The following TFPI variants were observed in gnomAD, a reference collection of about 807,000 sequenced individuals.
TFPI encodes tissue factor pathway inhibitor.
In TFPI, 15 loss-of-function variants were observed where a neutral mutation model predicts 34.6. That is an observed-to-expected ratio of 0.43 (90% CI 0.29 to 0.67). The LOEUF (loss-of-function observed/expected upper bound fraction) is 0.67, where lower values mean the gene tolerates loss of function less well. Among genes scored for constraint, TFPI ranks in the 30% least tolerant of loss-of-function variants. TFPI has a pLI of 0.15. For missense variants in TFPI, 301 were observed against 364.0 expected (o/e 0.83, Z 1.41); for synonymous variants, 105 against 120.1 (o/e 0.87, Z 0.82).
At chr2:187,486,031 C>A (rs1437027812) in intron 4 of TFPI, among the ~76,000 whole-genome samples, 6 of 151,582 alleles carry the variant, frequency 4.0e-5, no homozygotes, top group Non-Finnish European at 7.4e-5. Flanking sequence ...TGCAAAAGAA[C>A]AAACTCCTTA....
At chr2:187,512,455 AACC>A (rs2106165744) in intron 1 of TFPI, among the ~76,000 whole-genome samples, 1 of 152,112 alleles carries the variant, frequency 6.6e-6, no homozygotes, top group South Asian at 2.1e-4. Context: ...ACAAAGGTTC[AACC>A]AGACCTAAGA....
At chr2:187,497,102 T>G in intron 2 of TFPI, 24 bp from the exon 3 acceptor site, 1 of 1,584,330 alleles carries the variant, frequency 6.3e-7, no homozygotes, top group Non-Finnish European at 8.6e-7. Context: ...ATAAAAGATA[T>G]AACATGTAAT....
intron 3 of TFPI, among the ~76,000 whole-genome samples, chr2:187,493,708 A>C (rs1236104978): frequency 6.6e-6 from 1 of 152,128 alleles, no homozygotes; most frequent in Non-Finnish European, 1.5e-5. Flanking sequence ...CATTTCTTCA[A>C]GTTCAACATT....
chr2:187,534,603 C>T (rs1356838397), intron 1 of TFPI, among the ~76,000 whole-genome samples: 2 of 152,112 alleles, frequency 1.3e-5, no homozygotes, highest in Non-Finnish European at 2.9e-5. Context: ...CGGTACCAGC[C>T]ACTGCAAAAA....
At chr2:187,478,176 A>G (rs1454362591) in intron 6 of TFPI, among the ~76,000 whole-genome samples, 2 of 152,140 alleles carry the variant, frequency 1.3e-5, no homozygotes, top group Non-Finnish European at 2.9e-5. Context: ...CCTGGCCAAC[A>G]TGATGAAACC....
intron 1 of TFPI, among the ~76,000 whole-genome samples, chr2:187,545,005 G>A (rs1314842608): frequency 6.6e-6 from 1 of 151,468 alleles, no homozygotes; most frequent in African/African-American, 2.4e-5. Context: ...ACAGCTCCTC[G>A]GAGGCTGAGG....
At chr2:187,503,567 A>G (rs770671828) in intron 2 of TFPI, 81 bp downstream of exon 2, 2 of 1,519,852 alleles carry the variant, frequency 1.3e-6, no homozygotes, top group Non-Finnish European at 1.8e-6. Flanking sequence ...TCCCTCCACA[A>G]TGGAAAACTA....
rs181017570 is a variant in TFPI at position 187,528,426 on chromosome 2, T to A, written c.-2-24656A>T. Among the ~76,000 whole-genome samples the A allele has an allele frequency of 3.6e-4, 55 of 152,262 alleles. No homozygotes were observed. In the East Asian group the frequency reaches 4.6e-3, roughly 13 times the overall value. On this transcript the variant is annotated intron_variant, in intron 1 of 7. Transcript: ENST00000233156. ...AAAGCATTTATATACCAGTTTTTTTTAAAAAAAGTCTTGGCTAAAGAGTTG... is the reference window on the plus strand; with the variant it reads ...AAAGCATTTATATACCAGTTTTTTTAAAAAAAAGTCTTGGCTAAAGAGTTG...
chr2:187,521,302 G>C (rs1483983642), intron 1 of TFPI, among the ~76,000 whole-genome samples: 1 of 151,964 alleles, frequency 6.6e-6, no homozygotes, highest in East Asian at 1.9e-4. Flanking sequence ...ATATTTCACT[G>C]TATATATGTA....
intron 1 of TFPI, among the ~76,000 whole-genome samples, chr2:187,532,105 A>G (rs1157711319): frequency 6.6e-6 from 1 of 152,220 alleles, no homozygotes; most frequent in African/African-American, 2.4e-5. Flanking sequence ...ATAACCATCA[A>G]TCTGCCTATT....
chr2:187,535,788 C>A lies in TFPI; in HGVS notation c.-3+18412G>T, dbSNP rs149324146. 6.6e-3 allele frequency among the ~76,000 whole-genome samples: 1,005 copies of A among 152,178 alleles called. 15 individuals carry two copies. The highest frequency in any genetic ancestry group is 0.023 in the African/African-American group (947 of 41,532). ...GAAAAACTTCAAAAAATCACTGAAT[C>A]CAGGAGCTGGTTTTTTAAAAAGATT... On this transcript the variant is annotated intron_variant, in intron 1 of 7. Coordinates refer to ENST00000233156, the MANE Select transcript of TFPI (RefSeq NM_006287.6).
chr2:187,545,918 A>G (rs1373451870), intron 1 of TFPI, among the ~76,000 whole-genome samples: 4 of 152,112 alleles, frequency 2.6e-5, no homozygotes, highest in African/African-American at 9.7e-5. Context: ...ATTGCCAATT[A>G]AGAGAGGAAT....
At chr2:187,504,413 C>T (rs546771343) in intron 1 of TFPI, among the ~76,000 whole-genome samples, 27 of 151,934 alleles carry the variant, frequency 1.8e-4, no homozygotes, top group Middle Eastern at 3.4e-3. Flanking sequence ...TTCATTATTC[C>T]GCAGTTTAGG....
At chr2:187,523,461 T>C (rs564810942) in intron 1 of TFPI, among the ~76,000 whole-genome samples, 9 of 152,284 alleles carry the variant, frequency 5.9e-5, no homozygotes, top group African/African-American at 1.9e-4. Context: ...TTCAATGTTA[T>C]TTAGTTCAGC....
At position 187,510,399 on chromosome 2, in the gene TFPI, C is replaced by T. The variant is rs896360237; in HGVS notation, c.-2-6629G>A. Among the ~76,000 whole-genome samples, 13 of 152,180 alleles carry T rather than the reference C, an allele frequency of 8.5e-5. 1 individual carries two copies. Among genetic ancestry groups the T allele is most frequent in the African/African-American group, 2.4e-5 (1 of 41,442 alleles). On this transcript the variant is annotated intron_variant, in intron 1 of 7. Coordinates refer to ENST00000233156, the MANE Select transcript of TFPI (RefSeq NM_006287.6). Reference sequence around the variant, plus strand: ...CTCAGTCAGTAAAAAAAAGACACAACAGTAAAAGCCCCTTGTGTTAAAAAT... The same window carrying T: ...CTCAGTCAGTAAAAAAAAGACACAATAGTAAAAGCCCCTTGTGTTAAAAAT...
chr2:187,484,514 A>G (rs1356203123), intron 5 of TFPI: 3 of 485,362 alleles, frequency 6.2e-6, no homozygotes, highest in Non-Finnish European at 1.1e-5. Context: ...GTTTGCTCTC[A>G]TATTTGTATA....
At chr2:187,492,926 T>C (rs1685217920) in intron 3 of TFPI, among the ~76,000 whole-genome samples, 1 of 152,126 alleles carries the variant, frequency 6.6e-6, no homozygotes, top group Non-Finnish European at 1.5e-5. Context: ...TGGGAAGGCA[T>C]GATCAGTTTT....
intron 1 of TFPI, among the ~76,000 whole-genome samples, chr2:187,541,686 C>A (rs573370774): frequency 6.6e-6 from 1 of 152,068 alleles, no homozygotes; most frequent in East Asian, 1.9e-4. Context: ...CTCTCCTGAA[C>A]GCTTTTACAA....
intron 6 of TFPI, among the ~76,000 whole-genome samples, chr2:187,469,605 A>G (rs1014171178): frequency 6.6e-6 from 1 of 152,162 alleles, no homozygotes; most frequent in African/African-American, 2.4e-5. Flanking sequence ...TGTGTGTGTG[A>G]CAAGGGTAGC....
Sources: gnomAD v4.1 joint callset for allele counts (sites outside exome capture counted in the v4.1 genomes callset) on GRCh38, gnomAD v4.1.1 for gene constraint, MANE v1.5 for transcripts, NCBI Gene and HGNC (gene_info 2026-07-23, HGNC 2026-07-21) for gene names.